Variants in BTBD16 observed in about 807,000 individuals in gnomAD.
BTBD16 encodes BTB/POZ domain-containing protein 16.
In BTBD16, 66 loss-of-function variants were observed where a neutral mutation model predicts 67.4. The observed-to-expected ratio is 0.98, with a 90% CI of 0.80 to 1.20. The LOEUF (loss-of-function observed/expected upper bound fraction) is 1.20. Among genes scored for constraint, BTBD16 ranks in the 50% most tolerant of loss-of-function variants. BTBD16 has a pLI of 0.00. For synonymous variants in BTBD16, 242 were observed against 236.4 expected (o/e 1.02, Z -0.22); for missense variants, 634 against 616.0 (o/e 1.03, Z -0.31).
In BTBD16 at chr10:122,336,645, A is replaced by C. The variant is rs10510108; in HGVS notation, c.1415A>C (p.Gln472Pro). Residue 472 changes from glutamine to proline, a missense_variant, in exon 15 of 16, where the codon CAG (glutamine) becomes CCG (proline). Coordinates refer to ENST00000260723, the MANE Select transcript of BTBD16 (RefSeq NM_144587.5). ...WQEFRTNQIK[Q>P]KFGLTTSSCK... is the part of the protein sequence containing the mutation. Reference sequence around the variant, plus strand: ...GAGTTCAGGACAAACCAGATCAAGCAGAAGTTTGGGTTGACCACGTCATCC... The same window carrying C: ...GAGTTCAGGACAAACCAGATCAAGCCGAAGTTTGGGTTGACCACGTCATCC... 3 of 1,603,614 alleles carry C rather than the reference A, an allele frequency of 1.9e-6. No individual in the cohort carries two copies. In the African/African-American group the frequency reaches 4.0e-5, roughly 22 times the overall value.
chr10:122,324,574 A>T (rs1336089675), intron 10 of BTBD16, among the ~76,000 whole-genome samples: 2 of 152,230 alleles, frequency 1.3e-5, no homozygotes, highest in Non-Finnish European at 2.9e-5. Context: ...AGTCATGGAC[A>T]TTAGGGCCAT....
chr10:122,320,897 G>A (rs770664104), intron 10 of BTBD16, among the ~76,000 whole-genome samples: 49 of 152,006 alleles, frequency 3.2e-4, no homozygotes, highest in Middle Eastern at 6.3e-3. Context: ...ACATGTACAG[G>A]TCTGTTACAT....
At chr10:122,327,555 C>T in intron 10 of BTBD16, 1 of 984,396 alleles carries the variant, frequency 1.0e-6, no homozygotes, top group Non-Finnish European at 1.2e-6. Context: ...GGGACGGGAC[C>T]CTGGTCTGCC....
chr10:122,290,512 G>T (rs952526293), intron 6 of BTBD16, among the ~76,000 whole-genome samples: 1 of 152,136 alleles, frequency 6.6e-6, no homozygotes, highest in African/African-American at 2.4e-5. Context: ...TTTAGGAATC[G>T]CTCGGTGAGG....
intron 10 of BTBD16, among the ~76,000 whole-genome samples, chr10:122,312,772 T>C (rs1041226646): frequency 2.0e-5 from 3 of 152,224 alleles, no homozygotes; most frequent in Non-Finnish European, 4.4e-5. Context: ...TCCCCATCTT[T>C]TCTTTGTTCT....
At position 122,307,765 on chromosome 10, in the gene BTBD16, C is replaced by T. The variant is rs138168670; in HGVS notation, c.911+457C>T. Among the ~76,000 whole-genome samples the T allele has an allele frequency of 4.1e-3, 626 of 152,220 alleles. 2 individuals are homozygous for T. Among genetic ancestry groups the T allele is most frequent in the African/African-American group, 0.014 (590 of 41,518 alleles). ...ATGAGGGCTTCCAAGCATGACGAGG[C>T]GAGTTTAAGGAAGTGGAAGTAAAGA... On this transcript the variant is annotated intron_variant, in intron 10 of 15. Transcript: ENST00000260723.
intron 7 of BTBD16, among the ~76,000 whole-genome samples, chr10:122,294,388 G>A (rs1257579936): frequency 6.6e-6 from 1 of 152,232 alleles, no homozygotes; most frequent in African/African-American, 2.4e-5. Context: ...ACATACCTGA[G>A]GCCTCCCATC....
intron 7 of BTBD16, chr10:122,295,463 G>C: frequency 1.0e-6 from 1 of 985,460 alleles, no homozygotes; most frequent in Non-Finnish European, 1.2e-6. Context: ...AGCAGAGCAG[G>C]AAGCCTGGGC....
chr10:122,330,330 G>C (rs1318643127), intron 11 of BTBD16, among the ~76,000 whole-genome samples: 1 of 151,938 alleles, frequency 6.6e-6, no homozygotes, highest in African/African-American at 2.4e-5. Context: ...GAAAAGTTTG[G>C]GGAAAAAAAT....
At chr10:122,325,843 T>C (rs2096443693) in intron 10 of BTBD16, among the ~76,000 whole-genome samples, 1 of 151,850 alleles carries the variant, frequency 6.6e-6, no homozygotes. Flanking sequence ...GCCTGGCTAA[T>C]TTTTGTATTT....
intron 14 of BTBD16, 134 bp from the exon 15 acceptor site, chr10:122,336,359 TG>T: frequency 1.4e-6 from 1 of 702,004 alleles, no homozygotes; most frequent in Non-Finnish European, 2.2e-6. Flanking sequence ...TTTTAGGAGA[TG>T]GTGCCAATTG....
At chr10:122,285,518 A>G (rs1285706806) in intron 4 of BTBD16, among the ~76,000 whole-genome samples, 2 of 152,138 alleles carry the variant, frequency 1.3e-5, no homozygotes, top group African/African-American at 2.4e-5. Context: ...GTAGTTCTCA[A>G]CAGGGAACTG....
chr10:122,278,283 G>A (rs561237909), intron 3 of BTBD16, among the ~76,000 whole-genome samples: 50 of 152,090 alleles, frequency 3.3e-4, no homozygotes, highest in Non-Finnish European at 6.9e-4. Context: ...CTGGGCATTT[G>A]GACTGTTAAA....
At chr10:122,334,725 T>C (rs1443496694) in intron 13 of BTBD16, 156 bp from the exon 14 acceptor site, 1 of 147,964 alleles carries the variant, frequency 6.8e-6, no homozygotes. Flanking sequence ...TTTTGCCACA[T>C]TGGCCAGGCT....
intron 15 of BTBD16, among the ~76,000 whole-genome samples, chr10:122,337,447 G>GT (rs965100005): frequency 4.2e-4 from 64 of 151,370 alleles, no homozygotes; most frequent in African/African-American, 8.7e-4. Flanking sequence ...GGAAATATTT[G>GT]TTTTTTTTTG....
At position 122,276,954 on chromosome 10, in the gene BTBD16, A is replaced by G. The variant is rs1015495272; in HGVS notation, c.167+15A>G. The G allele has an allele frequency of 6.2e-7, 1 of 1,610,102 alleles. No homozygotes were observed. Among genetic ancestry groups the G allele is most frequent in the Admixed American group, 1.7e-5 (1 of 59,812 alleles). The stretch of plus-strand genomic sequence containing the variant: ...AACCCAGACAGGTATGGAGACTCAA[A>G]GGTTTGTGGGAGGGAATGGCCCATT... On this transcript the variant is annotated intron_variant, in intron 3 of 15. Transcript: ENST00000260723.
intron 5 of BTBD16, among the ~76,000 whole-genome samples, chr10:122,288,817 G>T (rs1307897418): frequency 2.0e-5 from 3 of 152,200 alleles, no homozygotes; most frequent in African/African-American, 7.2e-5. Context: ...GAGGGCGGAA[G>T]CCCCACACCA....
chr10:122,334,170 C>G (rs957729591), intron 13 of BTBD16, among the ~76,000 whole-genome samples: 1 of 147,866 alleles, frequency 6.8e-6, no homozygotes, highest in East Asian at 2.0e-4. Context: ...TGTTGCTATA[C>G]TTTGTTTTAC....
intron 9 of BTBD16, among the ~76,000 whole-genome samples, chr10:122,304,315 T>C (rs1004013507): frequency 2.0e-5 from 3 of 152,212 alleles, no homozygotes; most frequent in Non-Finnish European, 2.9e-5. Flanking sequence ...TTCATTGTCC[T>C]TTAGAGTCAC....
Sources: gnomAD v4.1 joint callset for allele counts (sites outside exome capture counted in the v4.1 genomes callset) on GRCh38, gnomAD v4.1.1 for gene constraint, MANE v1.5 for transcripts, NCBI Gene and HGNC (gene_info 2026-07-23, HGNC 2026-07-21) for gene names.